Variants in ADAMTS7 observed in about 807,000 individuals in gnomAD.
ADAMTS7 encodes A disintegrin and metalloproteinase with thrombospondin motifs 7.
In ADAMTS7, 89 loss-of-function variants were observed where a neutral mutation model predicts 172.6. The observed-to-expected ratio is 0.52, with a 90% confidence interval of 0.43 to 0.61. ADAMTS7 has a LOEUF of 0.61. ADAMTS7 is among the 20% of genes least tolerant of loss of function. ADAMTS7 has a pLI of 0.00. For missense variants in ADAMTS7, 1,973 were observed against 2,355.6 expected, an observed-to-expected ratio of 0.84 and a Z score of 3.36; for synonymous variants, 885 against 978.4, an observed-to-expected ratio of 0.90 and a Z score of 1.78.
In ADAMTS7 at chr15:78,803,642, G is replaced by A. The variant is rs373830107; in HGVS notation, c.101-3095C>T. ...GAGTTCTTGTATTTTTAGTAGAGAC[G>A]GGGTTTTGCCATGTTGGCAAGGCTG... On this transcript the variant is annotated intron_variant, in intron 1 of 23. Transcript: ENST00000388820. Among the ~76,000 whole-genome samples the A allele has an allele frequency of 5.3e-5, 8 of 152,284 alleles. 1 individual carries two copies. Among genetic ancestry groups the A allele is most frequent in the African/African-American group, 9.6e-5 (4 of 41,568 alleles).
chr15:78,777,405 G>A lies in ADAMTS7; in HGVS notation c.1467+39C>T, dbSNP rs369963858. On this transcript the variant is annotated intron_variant, in intron 9 of 23. Transcript: ENST00000388820. ...GAGCTGCCCCCTGAGCCCTCCTGCC[G>A]GGTCCCCACACCCCCACACCCACAC... 571 of 1,599,540 alleles carry A rather than the reference G, an allele frequency of 3.6e-4. 5 individuals are homozygous for A. In the South Asian group the frequency reaches 4.3e-3, roughly 12 times the overall value.
Position 78,759,352 on chromosome 15 carries a change from G to A in ADAMTS7, c.*69C>T. The A allele has an allele frequency of 6.8e-7, 1 of 1,480,772 alleles. No homozygotes were observed. Among genetic ancestry groups the A allele is most frequent in the Non-Finnish European group, 9.0e-7 (1 of 1,110,782 alleles). 91.7% of individuals were successfully genotyped at this position (1,480,772 alleles called of 1,614,324 possible). ...GGGTTAGCACCATTAGGGCGCAGGG[G>A]GCGGGAGCTCCGCCACAGCCCGTGG... On this transcript the variant is annotated 3_prime_UTR_variant, in exon 24 of 24. Coordinates refer to ENST00000388820, the MANE Select transcript of ADAMTS7 (RefSeq NM_014272.5).
chr15:78,769,930 G>A (rs1202216853), intron 16 of ADAMTS7, among the ~76,000 whole-genome samples: 1 of 152,228 alleles, frequency 6.6e-6, no homozygotes. Context: ...GGGAAGCCAA[G>A]GCGGGCAAAT....
intron 3 of ADAMTS7, 69 bp downstream of exon 3, chr15:78,797,879 C>T: frequency 6.5e-7 from 1 of 1,536,982 alleles, no homozygotes; most frequent in Non-Finnish European, 8.7e-7. Context: ...TTAAGGGGGG[C>T]TTCTAGAAAG....
intron 8 of ADAMTS7, among the ~76,000 whole-genome samples, chr15:78,781,480 C>T (rs1273442116): frequency 1.3e-5 from 2 of 152,174 alleles, no homozygotes; most frequent in African/African-American, 4.8e-5. Context: ...TATTGCTCTG[C>T]TTCTGTCTGG....
In ADAMTS7 at chr15:78,766,365, A is replaced by G. The variant is rs767713650; in HGVS notation, c.3546T>C (p.Asp1182=). 6.2e-7 allele frequency: 1 copy of G among 1,610,362 alleles called. No individual in the cohort carries two copies. The highest frequency in any genetic ancestry group is 2.2e-5 in the East Asian group (1 of 44,864). The change falls in exon 19 of 24, where the codon GAT becomes GAC. Residue 1182 remains aspartate (D), a synonymous_variant. Coordinates refer to ENST00000388820, the MANE Select transcript of ADAMTS7 (RefSeq NM_014272.5). The stretch of plus-strand genomic sequence containing the variant: ...CAGGGGTGGCAGGTGTCTGCAGGCC[A>G]TCAGTGGAAACCCTGGGCCAGGACA... ...PSLSWPRVST[D]GLQTPATPES... is the part of the protein sequence containing the mutation.
At chr15:78,799,648 C>G (rs541105449) in intron 2 of ADAMTS7, among the ~76,000 whole-genome samples, 1 of 151,970 alleles carries the variant, frequency 6.6e-6, no homozygotes, top group Admixed American at 6.6e-5. Context: ...TTTTCAGTTA[C>G]TTAGTCCAGT....
chr15:78,781,450 C>A (rs2055427367), intron 8 of ADAMTS7, among the ~76,000 whole-genome samples: 1 of 152,126 alleles, frequency 6.6e-6, no homozygotes, highest in Non-Finnish European at 1.5e-5. Context: ...TCCCAAACAC[C>A]CCTCCATTGG....
intron 8 of ADAMTS7, 82 bp downstream of exon 8, chr15:78,788,149 T>G: frequency 1.3e-6 from 2 of 1,562,376 alleles, no homozygotes; most frequent in Non-Finnish European, 1.7e-6. Flanking sequence ...ACCCCGGCCC[T>G]GCAGTATGAC....
At chr15:78,808,202 G>A (rs2055821111) in intron 1 of ADAMTS7, among the ~76,000 whole-genome samples, 1 of 152,048 alleles carries the variant, frequency 6.6e-6, no homozygotes, top group Non-Finnish European at 1.5e-5. Flanking sequence ...CTTACAGGAT[G>A]TTGCCACTTT....
At chr15:78,779,583 G>A (rs2055401494) in intron 8 of ADAMTS7, among the ~76,000 whole-genome samples, 1 of 152,088 alleles carries the variant, frequency 6.6e-6, no homozygotes, top group Non-Finnish European at 1.5e-5. Context: ...GTGCTCCTGC[G>A]GCTTGGGGCT....
chr15:78,790,193 A>C (rs958318808), intron 6 of ADAMTS7, among the ~76,000 whole-genome samples: 9 of 152,202 alleles, frequency 5.9e-5, no homozygotes, highest in African/African-American at 2.2e-4. Context: ...CTGTGACTAT[A>C]AACGGGTAGC....
At chr15:78,783,687 G>A (rs1206626926) in intron 8 of ADAMTS7, among the ~76,000 whole-genome samples, 8 of 152,272 alleles carry the variant, frequency 5.3e-5, no homozygotes, top group East Asian at 3.9e-4. Flanking sequence ...TAATAACCTC[G>A]CAGAGATAAG....
intron 22 of ADAMTS7, among the ~76,000 whole-genome samples, chr15:78,763,044 A>G (rs1430100074): frequency 2.0e-5 from 3 of 152,158 alleles, no homozygotes; most frequent in South Asian, 2.1e-4. Context: ...CTAAACATGC[A>G]CTGAGTCTGT....
intron 8 of ADAMTS7, among the ~76,000 whole-genome samples, chr15:78,784,175 C>T (rs113477670): frequency 0.011 from 1,692 of 151,966 alleles, 20 homozygotes; most frequent in Middle Eastern, 0.051. Context: ...CTGAGCAACA[C>T]GGCAAAACCC....
chr15:78,759,731 T>C (rs2055011775), intron 23 of ADAMTS7, among the ~76,000 whole-genome samples, 153 bp from the exon 24 acceptor site: 1 of 151,994 alleles, frequency 6.6e-6, no homozygotes, highest in African/African-American at 2.4e-5. Flanking sequence ...GAGTTGCAGG[T>C]CTCCAACTGT....
At chr15:78,795,092 A>T (rs568633588) in intron 4 of ADAMTS7, among the ~76,000 whole-genome samples, 2 of 152,344 alleles carry the variant, frequency 1.3e-5, no homozygotes, top group East Asian at 3.9e-4. Flanking sequence ...AACCCAGTTA[A>T]CCATTGGTGG....
In ADAMTS7 at chr15:78,771,074, G is replaced by A; in HGVS notation, c.2518+88C>T. 8 of 1,442,406 alleles carry A rather than the reference G, an allele frequency of 5.5e-6. No homozygotes were observed. The highest frequency in any genetic ancestry group is 7.4e-6 in the Non-Finnish European group (8 of 1,074,200). The allele number at this position is 1,442,406 out of a possible 1,614,324, so 89.4% of individuals were successfully genotyped here. On this transcript the variant is annotated intron_variant, in intron 16 of 23. Coordinates refer to ENST00000388820, the MANE Select transcript of ADAMTS7 (RefSeq NM_014272.5). The surrounding 1 kb of genome is among the most constrained non-coding windows in gnomAD (Gnocchi z 4.9). ...GAAGCAAACTTCCAAACCCGTGGTGGCCCAGCAGTGAGCTGGGAGCTGAAG... is the reference window on the plus strand; with the variant it reads ...GAAGCAAACTTCCAAACCCGTGGTGACCCAGCAGTGAGCTGGGAGCTGAAG...
intron 12 of ADAMTS7, 36 bp downstream of exon 12, chr15:78,774,588 C>T (rs2141487070): frequency 6.2e-7 from 1 of 1,611,376 alleles, no homozygotes; most frequent in East Asian, 2.2e-5. Flanking sequence ...CCCCAGCCCT[C>T]TAAGCCTCAA....
Sources: allele counts gnomAD v4.1 joint callset (sites outside exome capture counted in the v4.1 genomes callset), GRCh38; gene constraint gnomAD v4.1.1; non-coding constraint Gnocchi (gnomAD v3.1); transcripts MANE v1.5; gene names NCBI Gene and HGNC (gene_info 2026-07-23, HGNC 2026-07-21).